DOCK8: variants seen among roughly 807,000 people sequenced by gnomAD.
DOCK8 encodes the protein dedicator of cytokinesis protein 8.
Under a neutral mutation model 245.6 loss-of-function variants are expected in DOCK8, and 141 were observed. That is an observed-to-expected ratio of 0.57 (90% CI 0.50 to 0.66). The LOEUF (loss-of-function observed/expected upper bound fraction) is 0.66, where lower values mean the gene tolerates loss of function less well. DOCK8 is among the 30% of genes least tolerant of loss of function. DOCK8 has a pLI of 0.00. For missense variants in DOCK8, 2,965 were observed against 2,603.4 expected, an observed-to-expected ratio of 1.14 and a Z score of -3.02; for synonymous variants, 1,168 against 970.2, an observed-to-expected ratio of 1.20 and a Z score of -3.79.
At chr9:264,971 C>A (rs969065592) in intron 1 of DOCK8, among the ~76,000 whole-genome samples, 4 of 152,002 alleles carry the variant, frequency 2.6e-5, no homozygotes, top group African/African-American at 7.3e-5. Context: ...CGCTCTTGTC[C>A]CCCAGGCTGG....
Position 441,987 on chromosome 9 carries a change from C to T in DOCK8, c.5468C>T (p.Pro1823Leu). ...VYKEPAITKL[P>L]EISHRLEAFY... ...AAAGAGCCTGCAATTACCAAGCTTCCTGAGATCTCACATAGACTAGAGGTA... is the reference window on the plus strand; with the variant it reads ...AAAGAGCCTGCAATTACCAAGCTTCTTGAGATCTCACATAGACTAGAGGTA... The change falls in exon 42 of 48, where the codon CCT becomes CTT. Residue 1823 changes from proline (P) to leucine (L), a missense_variant. Pro to Leu is a moderately conservative substitution (Grantham distance 98). Coordinates refer to ENST00000432829, the MANE Select transcript of DOCK8 (RefSeq NM_203447.4). The T allele has an allele frequency of 6.2e-7, 1 of 1,613,950 alleles. No individual in the cohort carries two copies. Among genetic ancestry groups the T allele is most frequent in the Non-Finnish European group, 8.5e-7 (1 of 1,179,958 alleles).
At position 216,537 on chromosome 9, in the gene DOCK8, C is replaced by CAAAAAAAAAAAAAAAAAAA. The variant is rs59529982; in HGVS notation, c.53+1526_53+1527insAAAAAAAAAAAAAAAAAAA. 2.7e-3 allele frequency among the ~76,000 whole-genome samples: 241 copies of CAAAAAAAAAAAAAAAAAAA among 88,878 alleles called. 4 individuals carry two copies. Among genetic ancestry groups the CAAAAAAAAAAAAAAAAAAA allele is most frequent in the Non-Finnish European group, 3.1e-3 (147 of 47,644 alleles). 58.3% of individuals were successfully genotyped at this position (88,878 alleles called of 152,430 possible). A position where few individuals can be genotyped will look rare whatever the true frequency, so the allele number is the denominator to read the frequency against. ...GTGAAACCTTGTCTCAAAAAACAGA[C>CAAAAAAAAAAAAAAAAAAA]AAAAAAAAAAAAAAAAAAGCAAAAA... On this transcript the variant is annotated intron_variant, in intron 1 of 47. Transcript: ENST00000432829.
At chr9:333,042 CAA>C (rs2051100473) in intron 10 of DOCK8, among the ~76,000 whole-genome samples, 1 of 152,102 alleles carries the variant, frequency 6.6e-6, no homozygotes, top group South Asian at 2.1e-4. Flanking sequence ...TTGATTGGGG[CAA>C]GGCCACCCCC....
At chr9:382,741 A>C in intron 22 of DOCK8, 56 bp downstream of exon 22, 5 of 1,589,676 alleles carry the variant, frequency 3.1e-6, no homozygotes, top group Non-Finnish European at 3.4e-6. Flanking sequence ...TTTTTAACTA[A>C]AACTTGGAGA....
rs4741840 is a variant in DOCK8, at chr9:382,931, C to T, written c.2778+246C>T. 0.87 allele frequency among the ~76,000 whole-genome samples: 131,953 copies of T among 152,056 alleles called. 57,719 individuals are homozygous for T. Among genetic ancestry groups the T allele is most frequent in the South Asian group, 0.96 (4,609 of 4,814 alleles). On this transcript the variant is annotated intron_variant, in intron 22 of 47. Transcript: ENST00000432829. ...TAGCTTGGGTAGCAAAGTTTTAAAG[C>T]ATCAGGGGTTTAGCCACATGGAGTC...
At chr9:293,585 G>C (rs1014944095) in intron 4 of DOCK8, among the ~76,000 whole-genome samples, 3 of 152,254 alleles carry the variant, frequency 2.0e-5, no homozygotes, top group Admixed American at 6.5e-5. Flanking sequence ...CTCGTGGGCA[G>C]GAAGGTGTGC....
At chr9:248,590 T>C (rs1331135236) in intron 1 of DOCK8, among the ~76,000 whole-genome samples, 9 of 151,248 alleles carry the variant, frequency 6.0e-5, no homozygotes, top group South Asian at 2.1e-4. Context: ...TCTGTCTTTC[T>C]TTCTCTCTTT....
At chr9:384,903 G>A (rs1026066783) in intron 22 of DOCK8, among the ~76,000 whole-genome samples, 98 of 152,198 alleles carry the variant, frequency 6.4e-4, no homozygotes, top group African/African-American at 2.3e-3. Flanking sequence ...GCAGCAGAGC[G>A]AGACTACGTC....
rs148819547 is a variant in DOCK8 at position 293,115 on chromosome 9, C to T, written c.404+3534C>T. On this transcript the variant is annotated intron_variant, in intron 4 of 47. Coordinates refer to ENST00000432829, the MANE Select transcript of DOCK8 (RefSeq NM_203447.4). ...TGTAATGGAGCAGTTCCCTTCTTAACGGTCACCTAGTGGACAGGGAGAAGT... is the reference window on the plus strand; with the variant it reads ...TGTAATGGAGCAGTTCCCTTCTTAATGGTCACCTAGTGGACAGGGAGAAGT... Among the ~76,000 whole-genome samples the T allele has an allele frequency of 3.1e-4, 47 of 152,312 alleles. 1 individual carries two copies. In the East Asian group the frequency reaches 8.5e-3, roughly 27 times the overall value.
intron 14 of DOCK8, among the ~76,000 whole-genome samples, chr9:345,538 T>C (rs1265208191): frequency 6.6e-6 from 1 of 152,182 alleles, no homozygotes; most frequent in Non-Finnish European, 1.5e-5. Flanking sequence ...TTTAGGATTT[T>C]GGTATTGATG....
chr9:374,707 C>T (rs149139882), intron 18 of DOCK8, among the ~76,000 whole-genome samples: 2 of 151,458 alleles, frequency 1.3e-5, no homozygotes, highest in East Asian at 1.9e-4. Flanking sequence ...CTCATGTGAT[C>T]CTCCCACTTT....
chr9:312,805 C>T (rs2050184407), intron 6 of DOCK8: 4 of 307,728 alleles, frequency 1.3e-5, no homozygotes, highest in South Asian at 1.2e-4. Flanking sequence ...AGCCTTTTGT[C>T]TGTTTGAACT....
intron 2 of DOCK8, among the ~76,000 whole-genome samples, chr9:271,963 C>T (rs1478869019): frequency 6.6e-6 from 1 of 152,102 alleles, no homozygotes; most frequent in Non-Finnish European, 1.5e-5. Flanking sequence ...TGTCTCTAGA[C>T]TAGGTGGGCT....
rs2054685675 is a variant in DOCK8, at chr9:400,006, T to TCCACCATCACCACCATCA, written c.3234+762_3234+763insTCACCACCATCACCACCA. On this transcript the variant is annotated intron_variant, in intron 26 of 47. Coordinates refer to ENST00000432829, the MANE Select transcript of DOCK8 (RefSeq NM_203447.4). Reference sequence around the variant, plus strand: ...ACCACCTCCCACCACCTCCACCACCTCCACCATCACCACCACCTCCACCAT... The same window carrying TCCACCATCACCACCATCA: ...ACCACCTCCCACCACCTCCACCACCTCCACCATCACCACCATCACCACCATCACCACCACCTCCACCAT... Among the ~76,000 whole-genome samples, 14 of 80,474 alleles carry TCCACCATCACCACCATCA rather than the reference T, an allele frequency of 1.7e-4. 2 individuals are homozygous for TCCACCATCACCACCATCA. Among genetic ancestry groups the TCCACCATCACCACCATCA allele is most frequent in the African/African-American group, 8.6e-4 (14 of 16,220 alleles). 52.8% of individuals were successfully genotyped at this position (80,474 alleles called of 152,430 possible).
In DOCK8 at chr9:464,360, C is replaced by T. The variant is rs1233683755; in HGVS notation, c.*141C>T. 6 of 797,870 alleles carry T rather than the reference C, an allele frequency of 7.5e-6. No individual in the cohort carries two copies. Among genetic ancestry groups the T allele is most frequent in the South Asian group, 1.4e-5 (1 of 70,848 alleles). The allele number at this position is 797,870 out of a possible 1,614,324, so 49.4% of individuals were successfully genotyped here. ...CCAGCACTCTGGAAGCTTTGGGATCCCAGGAACCATGGAATTATTCCCAAA... is the reference window on the plus strand; with the variant it reads ...CCAGCACTCTGGAAGCTTTGGGATCTCAGGAACCATGGAATTATTCCCAAA... On this transcript the variant is annotated 3_prime_UTR_variant, in exon 48 of 48. Transcript: ENST00000432829.
intron 4 of DOCK8, among the ~76,000 whole-genome samples, chr9:304,164 G>C (rs1488626617): frequency 1.3e-5 from 2 of 152,134 alleles, no homozygotes; most frequent in African/African-American, 4.8e-5. Context: ...TCATTATTAA[G>C]AACATTGATG....
chr9:403,833 C>T (rs1215762050), intron 26 of DOCK8, among the ~76,000 whole-genome samples: 2 of 147,816 alleles, frequency 1.4e-5, no homozygotes, highest in African/African-American at 5.0e-5. Context: ...CCACTGCACT[C>T]CAGTTCAACA....
chr9:286,337 T>G, intron 2 of DOCK8, 124 bp from the exon 3 acceptor site: 4 of 1,113,244 alleles, frequency 3.6e-6, no homozygotes, highest in Non-Finnish European at 2.6e-6. Flanking sequence ...AGTCGCTCCG[T>G]TTTATGCCAG....
intron 26 of DOCK8, among the ~76,000 whole-genome samples, chr9:402,193 A>C (rs938688329): frequency 6.6e-6 from 1 of 152,064 alleles, no homozygotes; most frequent in African/African-American, 2.4e-5. Flanking sequence ...TCATGTTTTT[A>C]TTTTCTCTTT....
Sources: gnomAD v4.1 joint callset for allele counts (sites outside exome capture counted in the v4.1 genomes callset) on GRCh38, gnomAD v4.1.1 for gene constraint, MANE v1.5 for transcripts, NCBI Gene and HGNC (gene_info 2026-07-23, HGNC 2026-07-21) for gene names.